The following MACROD2 variants were observed in gnomAD, a reference collection of about 807,000 sequenced individuals.
MACROD2 encodes the protein ADP-ribose glycohydrolase MACROD2.
Under a neutral mutation model 70.4 loss-of-function variants are expected in MACROD2, and 36 were observed. That is an observed-to-expected ratio of 0.51 (90% CI 0.39 to 0.68). The LOEUF is 0.68. Among genes scored for constraint, MACROD2 ranks in the 30% least tolerant of loss-of-function variants. The pLI is 0.00. For synonymous variants in MACROD2, 172 were observed against 178.8 expected, an observed-to-expected ratio of 0.96 and a Z score of 0.30; for missense variants, 496 against 538.4, an observed-to-expected ratio of 0.92 and a Z score of 0.78.
chr20:14,642,371 T>G (rs1327848656), intron 4 of MACROD2, among the ~76,000 whole-genome samples: 1 of 152,212 alleles, frequency 6.6e-6, no homozygotes, highest in Admixed American at 6.5e-5. Context: ...TTCTTATCAT[T>G]CGTGTGTTCA....
intron 9 of MACROD2, among the ~76,000 whole-genome samples, chr20:15,882,235 C>G (rs2064764752): frequency 6.6e-6 from 1 of 151,992 alleles, no homozygotes; most frequent in Admixed American, 6.6e-5. Flanking sequence ...AATGATTATC[C>G]ACTAGCTAAA....
intron 8 of MACROD2, among the ~76,000 whole-genome samples, chr20:15,541,961 A>G (rs1409304644): frequency 1.3e-5 from 2 of 152,208 alleles, no homozygotes; most frequent in African/African-American, 4.8e-5. Context: ...TTGGGTGCCA[A>G]GTCTGTTCTT....
chr20:15,952,643 C>T (rs920074913), intron 12 of MACROD2, among the ~76,000 whole-genome samples: 2 of 152,172 alleles, frequency 1.3e-5, no homozygotes, highest in Non-Finnish European at 2.9e-5. Flanking sequence ...ACAGTATTGT[C>T]CATGGTCAAA....
chr20:15,412,948 G>C, intron 6 of MACROD2, among the ~76,000 whole-genome samples: 1 of 152,110 alleles, frequency 6.6e-6, no homozygotes, highest in Middle Eastern at 3.2e-3. Flanking sequence ...TATCTGCATT[G>C]CTAATAATTT....
chr20:15,135,117 CCGAAT>C (rs1408218747), intron 5 of MACROD2, among the ~76,000 whole-genome samples: 1 of 151,782 alleles, frequency 6.6e-6, no homozygotes, highest in Non-Finnish European at 1.5e-5. Flanking sequence ...GGATTCACAG[CCGAAT>C]TCTACCAGAG....
rs192864877 is a variant in MACROD2 at position 14,304,670 on chromosome 20, A to G, written c.272-188809A>G. ...TAAGTACTCTTATCTCTGAACTCCT[A>G]GTACTGGGTCAATCCAGCCATCTAC... On this transcript the variant is annotated intron_variant, in intron 3 of 17. Transcript: ENST00000684519. Among the ~76,000 whole-genome samples the G allele has an allele frequency of 4.7e-3, 717 of 152,204 alleles. 3 individuals are homozygous for G. Among genetic ancestry groups the G allele is most frequent in the African/African-American group, 0.017 (697 of 41,528 alleles).
At chr20:15,391,861 G>T (rs2045797400) in intron 6 of MACROD2, among the ~76,000 whole-genome samples, 1 of 152,120 alleles carries the variant, frequency 6.6e-6, no homozygotes, top group Non-Finnish European at 1.5e-5. Flanking sequence ...AAAAAGAATT[G>T]AGTTTTCATA....
At chr20:15,537,199 T>G (rs1244101772) in intron 8 of MACROD2, among the ~76,000 whole-genome samples, 1 of 152,154 alleles carries the variant, frequency 6.6e-6, no homozygotes, top group Non-Finnish European at 1.5e-5. Flanking sequence ...TTAAACCCCT[T>G]TTTGCGTAGC....
intron 9 of MACROD2, among the ~76,000 whole-genome samples, chr20:15,880,082 C>A (rs1364582148): frequency 6.6e-6 from 1 of 152,014 alleles, no homozygotes; most frequent in Non-Finnish European, 1.5e-5. Context: ...GCAGTCTGCT[C>A]CGTACCCATT....
chr20:14,440,429 C>T (rs1159293657), intron 3 of MACROD2, among the ~76,000 whole-genome samples: 1 of 152,010 alleles, frequency 6.6e-6, no homozygotes, highest in Non-Finnish European at 1.5e-5. Context: ...AATTCTTCTG[C>T]TTCCAGTGTA....
chr20:15,191,933 G>T (rs548555142), intron 5 of MACROD2, among the ~76,000 whole-genome samples: 7,218 of 110,838 alleles, frequency 0.065, 307 homozygotes, highest in Non-Finnish European at 0.095. Context: ...TATATATATA[G>T]AGAGAGAGAG....
In MACROD2 at chr20:14,482,963, T is replaced by G. The variant is rs982210023; in HGVS notation, c.272-10516T>G. The stretch of plus-strand genomic sequence containing the variant: ...TACTTAACCTCTCCGTGTTCCAATT[T>G]TTTAACATATAAAGTGGAAATAGAA... On this transcript the variant is annotated intron_variant, in intron 3 of 17. Coordinates refer to ENST00000684519, the MANE Select transcript of MACROD2 (RefSeq NM_001351661.2). 7.9e-5 allele frequency among the ~76,000 whole-genome samples: 12 copies of G among 152,218 alleles called. No homozygotes were observed. The East Asian group carries it at 2.1e-3, about 27-fold the overall frequency.
intron 10 of MACROD2, among the ~76,000 whole-genome samples, chr20:15,898,566 A>AC (rs1216894349): frequency 9.3e-5 from 14 of 151,300 alleles, no homozygotes; most frequent in African/African-American, 3.4e-4. Flanking sequence ...AAAAAAAAAA[A>AC]AAAACAAATT....
At chr20:14,493,701 C>T (rs1240031318) in intron 4 of MACROD2, 193 bp downstream of exon 4, 7 of 438,888 alleles carry the variant, frequency 1.6e-5, no homozygotes, top group South Asian at 5.0e-5. Context: ...TAATTGACTT[C>T]GAGATATATA....
chr20:14,713,872 A>G (rs1348976485), intron 5 of MACROD2, among the ~76,000 whole-genome samples: 2 of 152,214 alleles, frequency 1.3e-5, no homozygotes, highest in Non-Finnish European at 2.9e-5. Context: ...ATTGGACTTC[A>G]GTGGCCTGAT....
At chr20:14,612,185 A>AGTCT (rs2123430545) in intron 4 of MACROD2, among the ~76,000 whole-genome samples, 1 of 152,306 alleles carries the variant, frequency 6.6e-6, no homozygotes, top group South Asian at 2.1e-4. Context: ...CAATTAACCC[A>AGTCT]GTCTTCATTT....
chr20:15,172,958 C>G (rs149896301), intron 5 of MACROD2, among the ~76,000 whole-genome samples: 1 of 152,166 alleles, frequency 6.6e-6, no homozygotes, highest in African/African-American at 2.4e-5. Context: ...CCCCATATTT[C>G]AAGTGACATA....
At chr20:15,550,304 A>G (rs2048078651) in intron 8 of MACROD2, among the ~76,000 whole-genome samples, 1 of 149,422 alleles carries the variant, frequency 6.7e-6, no homozygotes, top group Non-Finnish European at 1.5e-5. Context: ...TATTTAAAAT[A>G]AGAAATATTT....
At chr20:15,346,290 G>C (rs1487830626) in intron 6 of MACROD2, among the ~76,000 whole-genome samples, 1 of 152,086 alleles carries the variant, frequency 6.6e-6, no homozygotes, top group Non-Finnish European at 1.5e-5. Context: ...CAGAATTCCT[G>C]TTCCTGGAAA....
Sources: gnomAD v4.1 joint callset for allele counts (sites outside exome capture counted in the v4.1 genomes callset) on GRCh38, gnomAD v4.1.1 for gene constraint, MANE v1.5 for transcripts, NCBI Gene and HGNC (gene_info 2026-07-23, HGNC 2026-07-21) for gene names.